EIF4G3: variants seen among roughly 807,000 people sequenced by gnomAD.
EIF4G3 encodes eukaryotic translation initiation factor 4 gamma 3, also known as eIF-4-gamma 3.
A neutral mutation model predicts 186.4 loss-of-function variants in EIF4G3; 34 were observed. The observed-to-expected ratio is 0.18, with a 90% CI of 0.14 to 0.24. EIF4G3 has a LOEUF of 0.24. Ranked by LOEUF, EIF4G3 falls within the 10% of genes least tolerant of loss-of-function variation. The pLI is 1.00. For missense variants in EIF4G3, 1,536 were observed against 1,948.5 expected (o/e 0.79, Z 3.99); for synonymous variants, 673 against 679.5 (o/e 0.99, Z 0.15).
intron 2 of EIF4G3, among the ~76,000 whole-genome samples, chr1:21,142,645 T>C (rs2097360516): frequency 1.3e-5 from 2 of 152,172 alleles, no homozygotes; most frequent in South Asian, 4.1e-4. Context: ...TTAAAACTCA[T>C]AATAGCTAAC....
chr1:20,813,864 A>C (rs762062890), intron 34 of EIF4G3, among the ~76,000 whole-genome samples: 7 of 151,896 alleles, frequency 4.6e-5, no homozygotes, highest in Non-Finnish European at 8.8e-5. Context: ...AAAACAAAAA[A>C]CAAAAAAAGA....
intron 2 of EIF4G3, among the ~76,000 whole-genome samples, chr1:21,143,622 G>A (rs916082225): frequency 1.3e-5 from 2 of 152,044 alleles, no homozygotes; most frequent in African/African-American, 4.8e-5. Context: ...TCATTATAAT[G>A]AACAAATTAT....
Position 20,824,938 on chromosome 1 carries a change from C to T in EIF4G3, c.4368+162G>A, listed in dbSNP as rs538609686. On this transcript the variant is annotated intron_variant, in intron 33 of 36. Coordinates refer to ENST00000602326, the MANE Select transcript of EIF4G3 (RefSeq NM_001391906.1). The stretch of plus-strand genomic sequence containing the variant: ...AAATATCAATCATCTGATGACCACA[C>T]AGTTGGAGTGGCTTTAAAAGCATGA... Among the ~76,000 whole-genome samples, 9 of 152,230 alleles carry T rather than the reference C, an allele frequency of 5.9e-5. No individual in the cohort carries two copies. The South Asian group carries it at 1.9e-3, about 32-fold the overall frequency.
At chr1:21,135,298 G>A (rs566180131) in intron 2 of EIF4G3, among the ~76,000 whole-genome samples, 3 of 152,072 alleles carry the variant, frequency 2.0e-5, no homozygotes, top group Admixed American at 1.3e-4. Context: ...TCAGAAATTC[G>A]AGACCAGCCT....
intron 14 of EIF4G3, among the ~76,000 whole-genome samples, chr1:20,926,922 A>G (rs2094939356): frequency 6.6e-6 from 1 of 152,192 alleles, no homozygotes; most frequent in South Asian, 2.1e-4. Flanking sequence ...AAATGTACAC[A>G]TATCAATATG....
At chr1:21,142,217 TG>T (rs2097352944) in intron 2 of EIF4G3, among the ~76,000 whole-genome samples, 1 of 151,334 alleles carries the variant, frequency 6.6e-6, no homozygotes, top group African/African-American at 2.4e-5. Context: ...AAGTGGCTAA[TG>T]GTCAGGCATA....
intron 2 of EIF4G3, among the ~76,000 whole-genome samples, chr1:21,162,510 G>A (rs950114240): frequency 1.3e-5 from 2 of 151,426 alleles, no homozygotes; most frequent in Non-Finnish European, 2.9e-5. Context: ...ACTTTGGGAG[G>A]CCGAGGCGGG....
chr1:21,130,987 C>G (rs902472457), intron 2 of EIF4G3, among the ~76,000 whole-genome samples: 1 of 151,998 alleles, frequency 6.6e-6, no homozygotes, highest in African/African-American at 2.4e-5. Context: ...AATCCCAGCA[C>G]TTTGGGATTT....
chr1:21,001,482 T>C (rs565260318), intron 5 of EIF4G3, among the ~76,000 whole-genome samples, 170 bp from the exon 6 acceptor site: 19 of 152,364 alleles, frequency 1.2e-4, no homozygotes, highest in Admixed American at 3.3e-4. Context: ...TAATGTTCCA[T>C]GTTTAATTAT....
intron 18 of EIF4G3, among the ~76,000 whole-genome samples, chr1:20,888,616 A>G (rs577365464): frequency 6.6e-6 from 1 of 152,246 alleles, no homozygotes; most frequent in South Asian, 2.1e-4. Flanking sequence ...TATATGAGCA[A>G]AGTTACTATA....
chr1:21,129,187 T>C (rs1325464253), intron 2 of EIF4G3, among the ~76,000 whole-genome samples: 1 of 151,710 alleles, frequency 6.6e-6, no homozygotes, highest in Admixed American at 6.6e-5. Context: ...TGGTGGCGGG[T>C]GCCTGTAATC....
rs925396764 is a variant in EIF4G3, at chr1:21,109,525, G to T, written c.-271-20312C>A. Among the ~76,000 whole-genome samples, 4 of 152,168 alleles carry T rather than the reference G, an allele frequency of 2.6e-5. No individual in the cohort carries two copies. The South Asian group carries it at 6.2e-4, about 24-fold the overall frequency. ...AAAGAAACAACAACAAGAAGAAAAA[G>T]AATATTTAAATGAAAGTAAATAAGT... On this transcript the variant is annotated intron_variant, in intron 2 of 36. Coordinates refer to ENST00000602326, the MANE Select transcript of EIF4G3 (RefSeq NM_001391906.1).
At chr1:20,921,797 T>C (rs1295497613) in intron 14 of EIF4G3, among the ~76,000 whole-genome samples, 4 of 152,244 alleles carry the variant, frequency 2.6e-5, no homozygotes, top group South Asian at 2.1e-4. Context: ...GTGCACCTGC[T>C]TCTGCTTTTC....
chr1:20,974,074 G>A (rs917449111), intron 10 of EIF4G3, among the ~76,000 whole-genome samples: 2 of 152,158 alleles, frequency 1.3e-5, no homozygotes, highest in Non-Finnish European at 2.9e-5. Flanking sequence ...GAGGAATGCT[G>A]AAGGAATAGA....
intron 7 of EIF4G3, among the ~76,000 whole-genome samples, chr1:20,992,049 A>G (rs1017654506): frequency 6.6e-6 from 1 of 152,192 alleles, no homozygotes; most frequent in African/African-American, 2.4e-5. Flanking sequence ...TTTGTAGTGA[A>G]GCTGAAATTG....
chr1:20,893,549 CA>C lies in EIF4G3; in HGVS notation c.2220del (p.Phe740LeufsTer14). 1.2e-6 allele frequency: 2 copies of C among 1,602,194 alleles called. No individual in the cohort carries two copies. The highest frequency in any genetic ancestry group is 2.2e-5 in the East Asian group (1 of 44,592). ...GPDFTPAFAD[F>X]GRQTPGGRGV... ...CCTCTTCCACCAGGTGTCTGCCTTC[CA>C]AAATCAGCAAAGGCTGGTGTAAAGT... On this transcript the variant is annotated frameshift_variant, in exon 18 of 37. Transcript: ENST00000602326. LOFTEE classifies it high-confidence loss of function.
intron 29 of EIF4G3, among the ~76,000 whole-genome samples, chr1:20,847,356 A>AG (rs2071478052): frequency 6.6e-6 from 1 of 152,202 alleles, no homozygotes; most frequent in Admixed American, 6.5e-5. Flanking sequence ...GAAATTCTAA[A>AG]GATACAACGA....
At chr1:20,808,991 T>C (rs560748311) in intron 36 of EIF4G3, among the ~76,000 whole-genome samples, 2 of 152,032 alleles carry the variant, frequency 1.3e-5, no homozygotes, top group African/African-American at 2.4e-5. Context: ...TTTTTTTTTT[T>C]AAATGGAGTT....
At chr1:21,148,511 A>C (rs940862914) in intron 2 of EIF4G3, among the ~76,000 whole-genome samples, 1 of 151,986 alleles carries the variant, frequency 6.6e-6, no homozygotes, top group Non-Finnish European at 1.5e-5. Flanking sequence ...GACCATCCTG[A>C]CTAACACGGT....
Sources: allele counts gnomAD v4.1 joint callset (sites outside exome capture counted in the v4.1 genomes callset), GRCh38; gene constraint gnomAD v4.1.1; transcripts MANE v1.5; gene names NCBI Gene and HGNC (gene_info 2026-07-23, HGNC 2026-07-21).